Variants in ACOX3 observed in about 807,000 individuals in gnomAD.
ACOX3 encodes acyl-CoA oxidase 3, pristanoyl, also known as peroxisomal acyl-coenzyme A oxidase 3.
In ACOX3, 73 loss-of-function variants were observed where a neutral mutation model predicts 81.5. That is an observed-to-expected ratio of 0.90 (90% confidence interval 0.74 to 1.09). ACOX3 has a LOEUF of 1.09. Among genes scored for constraint, ACOX3 ranks in the 50% least tolerant of loss-of-function variants. ACOX3 has a pLI of 0.00. For missense variants in ACOX3, 947 were observed against 928.0 expected (o/e 1.02, Z -0.27); for synonymous variants, 387 against 375.1 (o/e 1.03, Z -0.37).
chr4:8,409,296 T>G (rs1297289735), intron 6 of ACOX3, among the ~76,000 whole-genome samples: 1 of 152,220 alleles, frequency 6.6e-6, no homozygotes, highest in Non-Finnish European at 1.5e-5. Context: ...CCCTCTCAGC[T>G]GTGTCACTGG....
At position 8,437,346 on chromosome 4, in the gene ACOX3, C is replaced by T. The variant is rs972836930; in HGVS notation, c.-15+3302G>A. On this transcript the variant is annotated intron_variant, in intron 1 of 17. Transcript: ENST00000356406. The surrounding 1 kb of genome is among the most constrained non-coding windows in gnomAD (Gnocchi z 5.2). ...GGTTAAATTCCTCTCCCCGGCTCAG[C>T]TCTATCTAGAAAAAAAGAGGAGGCT... Among the ~76,000 whole-genome samples the T allele has an allele frequency of 3.9e-5, 6 of 151,944 alleles. No individual in the cohort carries two copies. The highest frequency in any genetic ancestry group is 1.5e-4 in the African/African-American group (6 of 41,366).
chr4:8,421,569 A>C (rs1015328761), intron 1 of ACOX3, among the ~76,000 whole-genome samples: 1 of 152,200 alleles, frequency 6.6e-6, no homozygotes, highest in Non-Finnish European at 1.5e-5. Context: ...GTGTAGCCCC[A>C]AAATTCTCCT....
intron 11 of ACOX3, among the ~76,000 whole-genome samples, chr4:8,391,584 C>T (rs28494010): frequency 0.014 from 2,132 of 152,316 alleles, 56 homozygotes; most frequent in African/African-American, 0.048. Context: ...CTAATAATAA[C>T]AGCATTAGCA....
In ACOX3 at chr4:8,381,405, G is replaced by GCCAGGATGTTCAAACTC; in HGVS notation, c.1653+70_1653+86dup. On this transcript the variant is annotated intron_variant, in intron 14 of 17. Transcript: ENST00000356406. This position sits in a 1 kb window ranked among gnomAD's most constrained non-coding sequence, Gnocchi z 4.3. ...GAGCTCGGGGTCTGGGGCCTGAATT[G>GCCAGGATGTTCAAACTC]CCAGGATGTTCAAACTCCCAGGGAC... is the stretch of plus-strand genomic sequence containing the variant. The GCCAGGATGTTCAAACTC allele has an allele frequency of 8.0e-7, 1 of 1,253,770 alleles. No homozygotes were observed. The allele number at this position is 1,253,770 out of a possible 1,614,324, so 77.7% of individuals were successfully genotyped here.
At chr4:8,365,630 C>T (rs1375418410), downstream of ACOX3, among the ~76,000 whole-genome samples, 2 of 152,022 alleles carry the variant, frequency 1.3e-5, no homozygotes, top group Non-Finnish European at 2.9e-5. Context: ...GTTGGCTGAG[C>T]GTCCCACGAG....
At chr4:8,412,883 G>A (rs561060126) in intron 5 of ACOX3, among the ~76,000 whole-genome samples, 23 of 129,908 alleles carry the variant, frequency 1.8e-4, no homozygotes, top group Admixed American at 3.8e-4. Flanking sequence ...CCACCCCTGT[G>A]CCCCTCCACA....
chr4:8,374,321 G>A (rs1716648935), intron 15 of ACOX3: 1 of 153,090 alleles, frequency 6.5e-6, no homozygotes, highest in Non-Finnish European at 1.5e-5. Context: ...CCCTTCCTTG[G>A]TGCACCTGAG....
chr4:8,390,321 G>C (rs905666562), intron 11 of ACOX3, among the ~76,000 whole-genome samples: 1 of 151,576 alleles, frequency 6.6e-6, no homozygotes, highest in Non-Finnish European at 1.5e-5. Context: ...TCCAGCCTCC[G>C]GGACAGGGCA....
intron 15 of ACOX3, chr4:8,374,014 G>A (rs1391548137): frequency 9.5e-5 from 23 of 242,626 alleles, no homozygotes; most frequent in East Asian, 1.2e-4. Context: ...GGCAGGGGGC[G>A]CAGGGGCGAG....
intron 7 of ACOX3, among the ~76,000 whole-genome samples, chr4:8,401,822 A>G (rs539236806): frequency 6.6e-6 from 1 of 152,248 alleles, no homozygotes; most frequent in Admixed American, 6.5e-5. Context: ...TCCTGGCCTC[A>G]TGCCCTCCAT....
At position 8,386,830 on chromosome 4, in the gene ACOX3, T is replaced by A. The variant is rs1242212385; in HGVS notation, c.1537+2343A>T. On this transcript the variant is annotated intron_variant, in intron 13 of 17. Coordinates refer to ENST00000356406, the MANE Select transcript of ACOX3 (RefSeq NM_003501.3). The surrounding 1 kb of genome is among the most constrained non-coding windows in gnomAD (Gnocchi z 5.2). Reference sequence around the variant, plus strand: ...ACACCGGCTTCGGCCACGGCTGTTGTCCTGTTCTTTGCCGTGTGAACAAGG... The same window carrying A: ...ACACCGGCTTCGGCCACGGCTGTTGACCTGTTCTTTGCCGTGTGAACAAGG... Among the ~76,000 whole-genome samples the A allele has an allele frequency of 6.6e-6, 1 of 152,214 alleles. No individual in the cohort carries two copies. Among genetic ancestry groups the A allele is most frequent in the Non-Finnish European group, 1.5e-5 (1 of 68,036 alleles).
At position 8,406,160 on chromosome 4, in the gene ACOX3, G is replaced by T; in HGVS notation, c.688-117C>A. 2 of 915,142 alleles carry T rather than the reference G, an allele frequency of 2.2e-6. No individual in the cohort carries two copies. Among genetic ancestry groups the T allele is most frequent in the Admixed American group, 3.8e-5 (2 of 53,152 alleles). 56.7% of individuals were successfully genotyped at this position (915,142 alleles called of 1,614,324 possible). On this transcript the variant is annotated intron_variant, in intron 6 of 17. Transcript: ENST00000356406. This position sits in a 1 kb window ranked among gnomAD's most constrained non-coding sequence, Gnocchi z 5.6. ...TGGGCTCAACGCTGGGCGGCTGTGGGTTAAACCATCCTCCAGAAATGATAC... is the reference window on the plus strand; with the variant it reads ...TGGGCTCAACGCTGGGCGGCTGTGGTTTAAACCATCCTCCAGAAATGATAC...
rs1366837399 is a variant in ACOX3 at position 8,368,373 on chromosome 4, A to C, written c.1984-1293T>G. Among the ~76,000 whole-genome samples the C allele has an allele frequency of 1.3e-5, 2 of 152,218 alleles. No individual in the cohort carries two copies. The highest frequency in any genetic ancestry group is 3.9e-4 in the East Asian group (2 of 5,194). On this transcript the variant is annotated intron_variant, in intron 17 of 17. Coordinates refer to ENST00000356406, the MANE Select transcript of ACOX3 (RefSeq NM_003501.3). The surrounding 1 kb of genome is among the most constrained non-coding windows in gnomAD (Gnocchi z 5.9). ...CGAAGGGCAGCTGAGCAGACACTTCACCCGTGCAGGGTGGAAAGGGGCAGC... is the reference window on the plus strand; with the variant it reads ...CGAAGGGCAGCTGAGCAGACACTTCCCCCGTGCAGGGTGGAAAGGGGCAGC...
intron 13 of ACOX3, among the ~76,000 whole-genome samples, chr4:8,383,008 A>G (rs1271524856): frequency 6.9e-5 from 9 of 130,854 alleles, no homozygotes; most frequent in African/African-American, 2.4e-4. Context: ...AAAAAAAAAG[A>G]AAAGAAAATA....
At chr4:8,409,703 G>A (rs915198662) in intron 6 of ACOX3, among the ~76,000 whole-genome samples, 6 of 143,262 alleles carry the variant, frequency 4.2e-5, no homozygotes, top group Non-Finnish European at 9.1e-5. Flanking sequence ...TGTGTGCTGC[G>A]GGTAGGGCTG....
intron 14 of ACOX3, among the ~76,000 whole-genome samples, chr4:8,375,734 T>G (rs1716889668): frequency 6.6e-6 from 1 of 152,252 alleles, no homozygotes; most frequent in African/African-American, 2.4e-5. Context: ...GTGCCCCATG[T>G]TTAGCTCCCA....
At chr4:8,408,914 G>GGGT (rs1721365488) in intron 6 of ACOX3, among the ~76,000 whole-genome samples, 1 of 84,478 alleles carries the variant, frequency 1.2e-5, no homozygotes, top group African/African-American at 4.6e-5. Context: ...TGGGGGGGGG[G>GGGT]TGGGGGCGGT....
At chr4:8,409,830 C>T (rs1489884592) in intron 6 of ACOX3, among the ~76,000 whole-genome samples, 1 of 148,340 alleles carries the variant, frequency 6.7e-6, no homozygotes, top group African/African-American at 2.5e-5. Flanking sequence ...GCAGGACTGT[C>T]TGCACTGTGG....
intron 1 of ACOX3, among the ~76,000 whole-genome samples, chr4:8,433,290 C>G (rs1170623935): frequency 2.0e-5 from 3 of 152,310 alleles, no homozygotes; most frequent in East Asian, 1.9e-4. Context: ...AGGGTTGGCC[C>G]TAATCCAATA....
Sources: allele counts gnomAD v4.1 joint callset (sites outside exome capture counted in the v4.1 genomes callset), GRCh38; gene constraint gnomAD v4.1.1; non-coding constraint Gnocchi (gnomAD v3.1); transcripts MANE v1.5; gene names NCBI Gene and HGNC (gene_info 2026-07-23, HGNC 2026-07-21).